The following SIGLECL1 variants were observed in gnomAD, a reference collection of about 807,000 sequenced individuals.
SIGLECL1 encodes the protein SIGLEC family like 1.
Under a neutral mutation model 19.1 loss-of-function variants are expected in SIGLECL1, and 16 were observed. The ratio of observed to expected loss-of-function variants is 0.84; its 90% confidence interval spans 0.57 to 1.27. The LOEUF is 1.27. Ranked by LOEUF, SIGLECL1 falls within the 50% of genes most tolerant of loss-of-function variation. The pLI is 0.00. For synonymous variants in SIGLECL1, 89 were observed against 90.4 expected (o/e 0.98, Z 0.09); for missense variants, 210 against 239.4 (o/e 0.88, Z 0.81).
chr19:51,257,863 G>A (rs1343681374), intron 1 of SIGLECL1: 2 of 152,234 alleles, frequency 1.3e-5, no homozygotes, highest in Non-Finnish European at 2.9e-5. Context: ...CATGTTACAC[G>A]ATGGAGGCCC....
chr19:51,267,485 C>G lies in SIGLECL1; in HGVS notation c.523C>G (p.Pro175Ala). 6.2e-7 allele frequency: 1 copy of G among 1,614,186 alleles called. No individual in the cohort carries two copies. Among genetic ancestry groups the G allele is most frequent in the Non-Finnish European group, 8.5e-7 (1 of 1,180,034 alleles). The stretch of plus-strand genomic sequence containing the variant: ...TGAGATGTCTCTGAAGCCTGAGGAA[C>G]CAGGAAAACCCGTAGTCGCCACATT... Reference protein sequence around the residue: ...ELEMSLKPEEPGKPVVATFSE... With the variant: ...ELEMSLKPEEAGKPVVATFSE... Residue 175 changes from proline (P) to alanine (A), a missense_variant, in exon 5 of 6, where the codon CCA (proline) becomes GCA (alanine). Transcript: ENST00000601727.
chr19:51,257,640 GT>G (rs1982903503), intron 1 of SIGLECL1: 1 of 152,220 alleles, frequency 6.6e-6, no homozygotes, highest in Admixed American at 6.5e-5. Context: ...GGGTGTCTTT[GT>G]TTGCCCAGGG....
intron 4 of SIGLECL1, among the ~76,000 whole-genome samples, chr19:51,266,625 C>G: frequency 6.6e-6 from 1 of 152,064 alleles, no homozygotes; most frequent in Non-Finnish European, 1.5e-5. Flanking sequence ...GAGGCATTTC[C>G]AGTGTCTTTG....
At chr19:51,254,145 T>G (rs1982657597) in intron 1 of SIGLECL1, among the ~76,000 whole-genome samples, 1 of 151,986 alleles carries the variant, frequency 6.6e-6, no homozygotes, top group Non-Finnish European at 1.5e-5. Context: ...ATAGCAAGAC[T>G]CGACTCTCTC....
At chr19:51,266,770 T>G (rs144601219) in intron 4 of SIGLECL1, among the ~76,000 whole-genome samples, 181 of 151,996 alleles carry the variant, frequency 1.2e-3, no homozygotes, top group Non-Finnish European at 1.9e-3. Flanking sequence ...AAGGGGTGAG[T>G]TGCAGGAAGT....
intron 1 of SIGLECL1, among the ~76,000 whole-genome samples, chr19:51,256,737 C>T (rs1410867482): frequency 6.6e-6 from 1 of 152,160 alleles, no homozygotes; most frequent in Non-Finnish European, 1.5e-5. Context: ...AATCATTCCA[C>T]AGTGCATACA....
In SIGLECL1 at chr19:51,251,176, A is replaced by G. The variant is rs1483881709; in HGVS notation, c.-560A>G. The G allele has an allele frequency of 6.6e-6, 1 of 152,404 alleles. No homozygotes were observed. The highest frequency in any genetic ancestry group is 1.9e-4 in the East Asian group (1 of 5,196). 9.4% of individuals were successfully genotyped at this position (152,404 alleles called of 1,614,324 possible). A position where few individuals can be genotyped will look rare whatever the true frequency, so the allele number is the denominator to read the frequency against. On this transcript the variant is annotated 5_prime_UTR_variant, in exon 1 of 6. Coordinates refer to ENST00000601727, the MANE Select transcript of SIGLECL1 (RefSeq NM_001385465.1). Reference sequence around the variant, plus strand: ...CAGCCGACTGAGGATCCCTAGTCGCATAAGGCTGTGCCTGGCCTGTTGGCG... The same window carrying G: ...CAGCCGACTGAGGATCCCTAGTCGCGTAAGGCTGTGCCTGGCCTGTTGGCG...
Position 51,264,027 on chromosome 19 carries a change from A to G in SIGLECL1, c.-46A>G. 6.2e-7 allele frequency: 1 copy of G among 1,611,924 alleles called. No individual in the cohort carries two copies. Among genetic ancestry groups the G allele is most frequent in the South Asian group, 1.1e-5 (1 of 90,856 alleles). On this transcript the variant is annotated 5_prime_UTR_variant, in exon 2 of 6. The change abolishes the stop of an existing upstream ORF in the 5' untranslated region. Transcript: ENST00000601727. ...ATGGTTCTGATGTCAGAGCCAGTGT[A>G]GTAAAGAGCTTCTGCTGTTCCTGAG...
At chr19:51,267,128 C>T (rs1192370851) in intron 4 of SIGLECL1, among the ~76,000 whole-genome samples, 1 of 152,192 alleles carries the variant, frequency 6.6e-6, no homozygotes, top group Non-Finnish European at 1.5e-5. Flanking sequence ...GTAACAATCT[C>T]TCTGCCAGTT....
In SIGLECL1 at chr19:51,265,578, T is replaced by C. The variant is rs757054094; in HGVS notation, c.233T>C (p.Met78Thr). 1.2e-5 allele frequency: 20 copies of C among 1,614,100 alleles called. No individual in the cohort carries two copies. The highest frequency in any genetic ancestry group is 2.2e-5 in the East Asian group (1 of 44,862). ...STISLTEEPEMGMRLLCEGKN... is the reference protein window; with the variant it reads ...STISLTEEPETGMRLLCEGKN... Reference sequence around the variant, plus strand: ...ATCAGCCTAACTGAAGAGCCAGAAATGGGCATGAGACTTCTCTGTGAGGGG... The same window carrying C: ...ATCAGCCTAACTGAAGAGCCAGAAACGGGCATGAGACTTCTCTGTGAGGGG... Residue 78 changes from methionine to threonine, a missense_variant, in exon 3 of 6, where the codon ATG (methionine) becomes ACG (threonine). By Grantham distance (81) the Met-to-Thr change is moderately conservative. Coordinates refer to ENST00000601727, the MANE Select transcript of SIGLECL1 (RefSeq NM_001385465.1).
In SIGLECL1 at chr19:51,268,590, C is replaced by T. The variant is rs747694202; in HGVS notation, c.587C>T (p.Ala196Val). 6.2e-7 allele frequency: 1 copy of T among 1,613,894 alleles called. No homozygotes were observed. The highest frequency in any genetic ancestry group is 1.6e-4 in the Middle Eastern group (1 of 6,062). Residue 196 changes from alanine (A) to valine (V), a missense_variant, in exon 6 of 6, where the codon GCC becomes GTC. Physicochemically the swap from Ala to Val is moderately conservative, Grantham distance 64. Transcript: ENST00000601727. ...TTTCAGGAAAAGCAAGATAAACGAG[C>T]CAGCTAAGCCTGTGGAACATGCCTC... ...SRILEKQDKRAS is the reference protein window; with the variant it reads ...SRILEKQDKRVS
upstream of SIGLECL1, among the ~76,000 whole-genome samples, chr19:51,249,144 T>G (rs992527329): frequency 6.0e-4 from 92 of 152,220 alleles, 1 homozygote; most frequent in African/African-American, 2.2e-3. Context: ...GGGCAAGAGC[T>G]TTCAGGGATG....
At chr19:51,261,807 T>C (rs1425971889) in intron 1 of SIGLECL1, among the ~76,000 whole-genome samples, 4 of 152,228 alleles carry the variant, frequency 2.6e-5, no homozygotes, top group African/African-American at 9.6e-5. Context: ...TATTCTCTTT[T>C]GTATCCCTTC....
Position 51,252,296 on chromosome 19 carries a change from C to CAA in SIGLECL1, c.-191+763_-191+764dup, listed in dbSNP as rs71979736. On this transcript the variant is annotated intron_variant, in intron 1 of 5. Coordinates refer to ENST00000601727, the MANE Select transcript of SIGLECL1 (RefSeq NM_001385465.1). ...TGGGCAACACAGCGAGACTCTGTCT[C>CAA]AAAAAAAAAAAAAGAAAAGAAAAGA... Among the ~76,000 whole-genome samples, 778 of 109,896 alleles carry CAA rather than the reference C, an allele frequency of 7.1e-3. 5 individuals carry two copies. Among genetic ancestry groups the CAA allele is most frequent in the South Asian group, 0.018 (60 of 3,342 alleles). 72.1% of individuals were successfully genotyped at this position (109,896 alleles called of 152,430 possible). A position where few individuals can be genotyped will look rare whatever the true frequency, so the allele number is the denominator to read the frequency against.
chr19:51,264,434 A>C (rs926289657), intron 2 of SIGLECL1: 1 of 253,178 alleles, frequency 3.9e-6, no homozygotes, highest in African/African-American at 2.3e-5. Flanking sequence ...TGGAAAAGAC[A>C]ATTCAGAGGA....
intron 5 of SIGLECL1, among the ~76,000 whole-genome samples, chr19:51,268,206 T>C (rs1415086731): frequency 1.3e-5 from 2 of 152,152 alleles, no homozygotes; most frequent in Non-Finnish European, 2.9e-5. Context: ...ACCTAGGCCT[T>C]GTCCTCAGAG....
In SIGLECL1 at chr19:51,253,341, T is replaced by G. The variant is rs192510437; in HGVS notation, c.-191+1796T>G. On this transcript the variant is annotated intron_variant, in intron 1 of 5. Coordinates refer to ENST00000601727, the MANE Select transcript of SIGLECL1 (RefSeq NM_001385465.1). Reference sequence around the variant, plus strand: ...AGCTACTTGCACACTATAAAACAGCTAACCTTCATATCTAGGCAGTTTGAC... The same window carrying G: ...AGCTACTTGCACACTATAAAACAGCGAACCTTCATATCTAGGCAGTTTGAC... Among the ~76,000 whole-genome samples the G allele has an allele frequency of 1.1e-3, 160 of 152,266 alleles. 3 individuals are homozygous for G. The highest frequency in any genetic ancestry group is 3.5e-3 in the African/African-American group (145 of 41,552).
chr19:51,255,236 G>A (rs1982728729), intron 1 of SIGLECL1, among the ~76,000 whole-genome samples: 1 of 150,484 alleles, frequency 6.6e-6, no homozygotes, highest in Non-Finnish European at 1.5e-5. Context: ...CTCCAGCCTG[G>A]GCAACAGAGT....
In SIGLECL1 at chr19:51,264,001, T is replaced by C; in HGVS notation, c.-72T>C. 6.3e-7 allele frequency: 1 copy of C among 1,582,314 alleles called. No individual in the cohort carries two copies. Among genetic ancestry groups the C allele is most frequent in the Non-Finnish European group, 8.7e-7 (1 of 1,153,664 alleles). Reference sequence around the variant, plus strand: ...GCATCACCTCACTCCTTCTGAACCATATGGTTCTGATGTCAGAGCCAGTGT... The same window carrying C: ...GCATCACCTCACTCCTTCTGAACCACATGGTTCTGATGTCAGAGCCAGTGT... On this transcript the variant is annotated 5_prime_UTR_variant, in exon 2 of 6. Coordinates refer to ENST00000601727, the MANE Select transcript of SIGLECL1 (RefSeq NM_001385465.1).
Sources: gnomAD v4.1 joint callset for allele counts (sites outside exome capture counted in the v4.1 genomes callset) on GRCh38, gnomAD v4.1.1 for gene constraint, MANE v1.5 for transcripts, NCBI Gene and HGNC (gene_info 2026-07-23, HGNC 2026-07-21) for gene names.